The following TMEM132C variants were observed in gnomAD, a reference collection of about 807,000 sequenced individuals.
The protein encoded by TMEM132C is transmembrane protein 132C.
A neutral mutation model predicts 61.4 loss-of-function variants in TMEM132C; 29 were observed. The ratio of observed to expected loss-of-function variants is 0.47; its 90% CI spans 0.35 to 0.64. TMEM132C has a LOEUF of 0.64. Ranked by LOEUF, TMEM132C falls within the 30% of genes least tolerant of loss-of-function variation. The pLI is 0.00. For synonymous variants in TMEM132C, 656 were observed against 633.1 expected (o/e 1.04, Z -0.54); for missense variants, 1,408 against 1,476.9 (o/e 0.95, Z 0.76).
At chr12:128,634,658 T>C (rs1954087920) in intron 4 of TMEM132C, among the ~76,000 whole-genome samples, 1 of 152,256 alleles carries the variant, frequency 6.6e-6, no homozygotes, top group South Asian at 2.1e-4. Context: ...CCTGTCCAAC[T>C]GTACTTGGCA....
chr12:128,437,058 A>G (rs893357201), intron 2 of TMEM132C, among the ~76,000 whole-genome samples: 14 of 152,252 alleles, frequency 9.2e-5, no homozygotes, highest in African/African-American at 2.4e-4. Context: ...AGAAAACCAG[A>G]CACCACATGT....
At chr12:128,540,108 C>G (rs142467951) in intron 2 of TMEM132C, among the ~76,000 whole-genome samples, 12 of 152,070 alleles carry the variant, frequency 7.9e-5, no homozygotes, top group African/African-American at 2.4e-4. Flanking sequence ...ACCATTCCAC[C>G]GACTTTCCAT....
In TMEM132C at chr12:128,695,867, CG is replaced by C; in HGVS notation, c.1695del (p.Arg566GlyfsTer51). The C allele has an allele frequency of 6.5e-7, 1 of 1,547,296 alleles. No homozygotes were observed. Reference sequence around the variant, plus strand: ...GAGCGAGGATGAGGACGAGGAGGAGCGGCGGGGCCGGGGCTGCGCACTGCAA... The same window carrying C: ...GAGCGAGGATGAGGACGAGGAGGAGCGCGGGGCCGGGGCTGCGCACTGCAA... ...RESEDEDEEERRGRGCALQYQ... is the reference protein window; with the variant it reads ...RESEDEDEEEXRGRGCALQYQ... On this transcript the variant is annotated frameshift_variant, in exon 7 of 9. Transcript: ENST00000435159. LOFTEE classifies it high-confidence loss of function.
chr12:128,685,747 G>A (rs560057561), intron 5 of TMEM132C, among the ~76,000 whole-genome samples: 4,780 of 134,274 alleles, frequency 0.036, 118 homozygotes, highest in Non-Finnish European at 0.055. Context: ...CAGACCTCTA[G>A]GGGTGACTGG....
Position 128,612,126 on chromosome 12 carries a change from G to A in TMEM132C, c.1122-4026G>A, listed in dbSNP as rs138455104. Among the ~76,000 whole-genome samples, 159 of 152,336 alleles carry A rather than the reference G, an allele frequency of 1.0e-3. 1 individual carries two copies. Among genetic ancestry groups the A allele is most frequent in the Middle Eastern group, 6.8e-3 (2 of 294 alleles). On this transcript the variant is annotated intron_variant, in intron 3 of 8. Transcript: ENST00000435159. ...GGAATTCTTTGTCTTGTGTCAGAAC[G>A]TTGAATCCTAAGGCCTCCCGGGGGC...
chr12:128,572,306 C>G (rs1187945116), intron 3 of TMEM132C, among the ~76,000 whole-genome samples: 1 of 146,108 alleles, frequency 6.8e-6, no homozygotes, highest in Non-Finnish European at 1.5e-5. Flanking sequence ...CTCTGCTGAT[C>G]TCAGATTGGC....
In TMEM132C at chr12:128,449,329, A is replaced by G. The variant is rs530370034; in HGVS notation, c.974+33709A>G. 3.5e-4 allele frequency among the ~76,000 whole-genome samples: 53 copies of G among 152,174 alleles called. 2 individuals are homozygous for G. Among genetic ancestry groups the G allele is most frequent in the African/African-American group, 1.2e-3 (50 of 41,508 alleles). ...CACTCCCTATAGTGCCTCCCAGACA[A>G]GCCTGCTCATTTACTGAAATTACTT... is the stretch of plus-strand genomic sequence containing the variant. On this transcript the variant is annotated intron_variant, in intron 2 of 8. Coordinates refer to ENST00000435159, the MANE Select transcript of TMEM132C (RefSeq NM_001136103.3).
At chr12:128,401,677 T>C (rs1875163183) in intron 1 of TMEM132C, among the ~76,000 whole-genome samples, 1 of 152,174 alleles carries the variant, frequency 6.6e-6, no homozygotes, top group African/African-American at 2.4e-5. Context: ...CTTCTCCCAG[T>C]TATTTAGTGG....
intron 2 of TMEM132C, among the ~76,000 whole-genome samples, chr12:128,469,702 A>C (rs549929686): frequency 6.6e-6 from 1 of 151,670 alleles, no homozygotes; most frequent in African/African-American, 2.4e-5. Context: ...GTATGTATAT[A>C]TATGCATTTA....
chr12:128,686,166 T>A (rs1954675285), intron 5 of TMEM132C, among the ~76,000 whole-genome samples: 1 of 152,114 alleles, frequency 6.6e-6, no homozygotes, highest in African/African-American at 2.4e-5. Context: ...GTGTGATAGG[T>A]GGGTAGTGTT....
Position 128,623,855 on chromosome 12 carries a change from A to G in TMEM132C, c.1305+7520A>G, listed in dbSNP as rs76484965. Among the ~76,000 whole-genome samples, 478 of 152,292 alleles carry G rather than the reference A, an allele frequency of 3.1e-3. 1 individual carries two copies. The highest frequency in any genetic ancestry group is 0.011 in the African/African-American group (458 of 41,576). ...CTTCATGAGAGATGATTGAAAAATG[A>G]AAACAGAGAATATTTACATAAGCAA... is the stretch of plus-strand genomic sequence containing the variant. On this transcript the variant is annotated intron_variant, in intron 4 of 8. Coordinates refer to ENST00000435159, the MANE Select transcript of TMEM132C (RefSeq NM_001136103.3).
At chr12:128,345,760 T>G (rs1028257728) in intron 1 of TMEM132C, among the ~76,000 whole-genome samples, 7 of 152,172 alleles carry the variant, frequency 4.6e-5, no homozygotes, top group Admixed American at 1.3e-4. Flanking sequence ...TTAATGGGGT[T>G]GTTTGTTTTT....
At chr12:128,375,642 G>T (rs1307364037) in intron 1 of TMEM132C, among the ~76,000 whole-genome samples, 1 of 152,116 alleles carries the variant, frequency 6.6e-6, no homozygotes, top group African/African-American at 2.4e-5. Flanking sequence ...AATTACATCT[G>T]CAAAGACCCT....
intron 2 of TMEM132C, among the ~76,000 whole-genome samples, chr12:128,497,063 A>T (rs1871986913): frequency 6.6e-6 from 1 of 152,168 alleles, no homozygotes; most frequent in South Asian, 2.1e-4. Flanking sequence ...CAGGACCCTT[A>T]GCTGCAGGTC....
chr12:128,635,393 A>G (rs1397377786), intron 4 of TMEM132C, among the ~76,000 whole-genome samples: 2 of 152,080 alleles, frequency 1.3e-5, no homozygotes, highest in African/African-American at 4.8e-5. Flanking sequence ...GCAGATTAGA[A>G]TGAGAATTAA....
intron 4 of TMEM132C, among the ~76,000 whole-genome samples, chr12:128,639,022 G>C (rs1361811029): frequency 3.4e-5 from 4 of 117,336 alleles, no homozygotes; most frequent in Non-Finnish European, 7.6e-5. Flanking sequence ...GGTGGTGATG[G>C]TGATGGTGGT....
chr12:128,358,493 T>TTGTGTGTGTGTG (rs58748919), intron 1 of TMEM132C, among the ~76,000 whole-genome samples: 9,380 of 144,878 alleles, frequency 0.065, 362 homozygotes, highest in African/African-American at 0.077. Flanking sequence ...ACTTTTAAAA[T>TTGTGTGTGTGTG]TGTGTGTGTG....
rs1272810214 is a variant in TMEM132C at position 128,540,943 on chromosome 12, G to GTCTGTCTACTTCTCTCTCTCTT, written c.975-3006_975-2985dup. 2.9e-5 allele frequency among the ~76,000 whole-genome samples: 4 copies of GTCTGTCTACTTCTCTCTCTCTT among 137,824 alleles called. No homozygotes were observed. The East Asian group carries it at 5.8e-4, about 20-fold the overall frequency. The allele number at this position is 137,824 out of a possible 152,430, so 90.4% of individuals were successfully genotyped here. A position where few individuals can be genotyped will look rare whatever the true frequency, so the allele number is the denominator to read the frequency against. ...TGTCTGTCTGTTTCTCTCTGTCTCT[G>GTCTGTCTACTTCTCTCTCTCTT]TCTGTCTACTTCTCTCTCTCTTTCT... On this transcript the variant is annotated intron_variant, in intron 2 of 8. Transcript: ENST00000435159.
At chr12:128,595,325 T>C (rs1430631789) in intron 3 of TMEM132C, among the ~76,000 whole-genome samples, 1 of 152,132 alleles carries the variant, frequency 6.6e-6, no homozygotes, top group Non-Finnish European at 1.5e-5. Context: ...CTGAGGAAGG[T>C]AGGATTTTGT....
Sources: gnomAD v4.1 joint callset for allele counts (sites outside exome capture counted in the v4.1 genomes callset) on GRCh38, gnomAD v4.1.1 for gene constraint, MANE v1.5 for transcripts, NCBI Gene and HGNC (gene_info 2026-07-23, HGNC 2026-07-21) for gene names.